The following SMARCA4 variants were observed in gnomAD, a reference collection of about 807,000 sequenced individuals.
SMARCA4 encodes the protein SWI/SNF related BAF chromatin remodeling complex subunit ATPase 4.
A neutral mutation model predicts 193.9 loss-of-function variants in SMARCA4; 31 were observed. That is an observed-to-expected ratio of 0.16 (90% CI 0.12 to 0.22). SMARCA4 has a LOEUF of 0.22. Ranked by LOEUF, SMARCA4 falls within the 10% of genes least tolerant of loss-of-function variation. SMARCA4 has a pLI of 1.00. For missense variants in SMARCA4, 1,148 were observed against 2,296.0 expected (o/e 0.50, Z 10.22); for synonymous variants, 942 against 933.1 (o/e 1.01, Z -0.17).
chr19:11,003,915 T>A (rs56122482), intron 13 of SMARCA4, among the ~76,000 whole-genome samples: 7 of 151,448 alleles, frequency 4.6e-5, no homozygotes, highest in Non-Finnish European at 1.0e-4. Flanking sequence ...TTTCATCATA[T>A]TGGCCAGGCT....
At position 10,991,496 on chromosome 19, in the gene SMARCA4, T is replaced by C. The variant is rs118146570; in HGVS notation, c.1419+173T>C. On this transcript the variant is annotated intron_variant, in intron 8 of 34. Coordinates refer to ENST00000344626, the MANE Select transcript of SMARCA4 (RefSeq NM_003072.5). Reference sequence around the variant, plus strand: ...AGAGTGTATTGGTGTAAAAACCCAATGGTAGGGAGAAGATAGTGATGAAAT... The same window carrying C: ...AGAGTGTATTGGTGTAAAAACCCAACGGTAGGGAGAAGATAGTGATGAAAT... 9.2e-5 allele frequency among the ~76,000 whole-genome samples: 14 copies of C among 152,296 alleles called. No individual in the cohort carries two copies. In the East Asian group the frequency reaches 2.7e-3, roughly 29 times the overall value.
At chr19:10,990,555 G>A (rs1233902778) in intron 7 of SMARCA4, among the ~76,000 whole-genome samples, 1 of 152,210 alleles carries the variant, frequency 6.6e-6, no homozygotes, top group Non-Finnish European at 1.5e-5. Context: ...TGGGATTACA[G>A]GCATGAGCCA....
At chr19:10,990,624 G>C (rs2086474214) in intron 7 of SMARCA4, among the ~76,000 whole-genome samples, 1 of 152,060 alleles carries the variant, frequency 6.6e-6, no homozygotes, top group African/African-American at 2.4e-5. Context: ...TGTCGCCCAG[G>C]CTAGTCTCGA....
chr19:11,002,997 A>G (rs369486958), intron 11 of SMARCA4, 32 bp from the exon 12 acceptor site: 54 of 1,613,508 alleles, frequency 3.3e-5, no homozygotes, highest in Non-Finnish European at 4.5e-5. Flanking sequence ...AGGCCCTGCA[A>G]CCTCAGTGTC....
chr19:11,019,269 C>G lies in SMARCA4; in HGVS notation c.2505+246C>G. 1.6e-6 allele frequency: 1 copy of G among 617,002 alleles called. No homozygotes were observed. The highest frequency in any genetic ancestry group is 2.9e-6 in the Non-Finnish European group (1 of 343,856). 38.2% of individuals were successfully genotyped at this position (617,002 alleles called of 1,614,324 possible). A position where few individuals can be genotyped will look rare whatever the true frequency, so the allele number is the denominator to read the frequency against. On this transcript the variant is annotated intron_variant, in intron 17 of 34. Coordinates refer to ENST00000344626, the MANE Select transcript of SMARCA4 (RefSeq NM_003072.5). This position sits in a 1 kb window ranked among gnomAD's most constrained non-coding sequence, Gnocchi z 6.1. Reference sequence around the variant, plus strand: ...ATGGTGGCCAGCACTCAGAGGCCAGCTCAGGCGCCTGAGATGGGGACCCAG... The same window carrying G: ...ATGGTGGCCAGCACTCAGAGGCCAGGTCAGGCGCCTGAGATGGGGACCCAG...
rs370424312 is a variant in SMARCA4, at chr19:11,039,461, A to G, written c.4171-1846A>G. On this transcript the variant is annotated intron_variant, in intron 29 of 34. Coordinates refer to ENST00000344626, the MANE Select transcript of SMARCA4 (RefSeq NM_003072.5). ...ACATTAAAAAATTTTGTTGTAGAAA[A>G]TTACAGGAAAAGATATCCATGACAC... 1.5e-5 allele frequency: 24 copies of G among 1,594,554 alleles called. No individual in the cohort carries two copies. The East Asian group carries it at 1.8e-4, about 12-fold the overall frequency.
rs897843758 is a variant in SMARCA4, at chr19:10,994,306, G to A, written c.1420-522G>A. On this transcript the variant is annotated intron_variant, in intron 8 of 34. Coordinates refer to ENST00000344626, the MANE Select transcript of SMARCA4 (RefSeq NM_003072.5). Reference sequence around the variant, plus strand: ...ATTTTGTCCTCCTCAGCCTCCCAAAGCGATATTCTAGGTTTTTTTTTTTTT... The same window carrying A: ...ATTTTGTCCTCCTCAGCCTCCCAAAACGATATTCTAGGTTTTTTTTTTTTT... 5.5e-5 allele frequency among the ~76,000 whole-genome samples: 8 copies of A among 146,642 alleles called. No homozygotes were observed. The East Asian group carries it at 1.6e-3, about 29-fold the overall frequency.
intron 1 of SMARCA4, among the ~76,000 whole-genome samples, chr19:10,971,562 A>G (rs2084675157): frequency 6.7e-6 from 1 of 149,366 alleles, no homozygotes; most frequent in African/African-American, 2.5e-5. Context: ...TGGTGCAATC[A>G]TAGCTCATGG....
chr19:11,040,572 C>T (rs562316330), intron 29 of SMARCA4: 1 of 128,070 alleles, frequency 7.8e-6, no homozygotes, highest in African/African-American at 3.0e-5. Flanking sequence ...AGCCTGGTGA[C>T]AGAGTGAGAC....
At chr19:10,963,370 C>CAAAAAAAA (rs755616481) in intron 1 of SMARCA4, among the ~76,000 whole-genome samples, 2 of 53,102 alleles carry the variant, frequency 3.8e-5, no homozygotes, top group Non-Finnish European at 7.6e-5. Flanking sequence ...AAGACTGTCT[C>CAAAAAAAA]AAAAAAAAAA....
rs372329621 is a variant in SMARCA4, at chr19:11,034,985, C to T, written c.4023C>T (p.Asp1341=). The T allele has an allele frequency of 4.4e-6, 7 of 1,607,540 alleles. No homozygotes were observed. The highest frequency in any genetic ancestry group is 4.0e-5 in the African/African-American group (3 of 74,804). ...PKRKPRLMEE[D]ELPSWIIKDD... is the part of the protein sequence containing the mutation. ...GGAAGCCGCGCCTCATGGAGGAGGA[C>T]GAGCTCCCCTCGTGGATCATCAAGG... Residue 1341 remains aspartate (D), a synonymous_variant, in exon 29 of 35, where the codon GAC becomes GAT. Coordinates refer to ENST00000344626, the MANE Select transcript of SMARCA4 (RefSeq NM_003072.5). The surrounding 1 kb of genome is among the most constrained non-coding windows in gnomAD (Gnocchi z 7.0).
chr19:11,050,644 C>T (rs1374375443), intron 30 of SMARCA4, among the ~76,000 whole-genome samples: 1 of 152,232 alleles, frequency 6.6e-6, no homozygotes, highest in Non-Finnish European at 1.5e-5. Context: ...CCTCCTGGCT[C>T]TTCAGAGTTG....
At chr19:11,024,675 C>T (rs2090121953) in intron 21 of SMARCA4, among the ~76,000 whole-genome samples, 1 of 152,142 alleles carries the variant, frequency 6.6e-6, no homozygotes, top group Non-Finnish European at 1.5e-5. Flanking sequence ...GCAGCCTGGG[C>T]CCAGCACTAA....
intron 9 of SMARCA4, chr19:10,995,267 C>A (rs574326907): frequency 6.1e-4 from 373 of 612,462 alleles, no homozygotes; most frequent in Non-Finnish European, 1.0e-3. Context: ...GTGCCCCCTT[C>A]CCTCGTTCTG....
Position 11,035,067 on chromosome 19 carries a change from C to T in SMARCA4, c.4105C>T (p.Arg1369Cys), listed in dbSNP as rs199962502. 6.2e-7 allele frequency: 1 copy of T among 1,612,780 alleles called. No homozygotes were observed. The highest frequency in any genetic ancestry group is 8.5e-7 in the Non-Finnish European group (1 of 1,179,844). Residue 1369 changes from arginine (R) to cysteine (C), a missense_variant, in exon 29 of 35, where the codon CGT (arginine) becomes TGT (cysteine). Physicochemically the swap from Arg to Cys is radical, Grantham distance 180. Coordinates refer to ENST00000344626, the MANE Select transcript of SMARCA4 (RefSeq NM_003072.5). ...GGAGGAGGAGGAGAAGATGTTCGGC[C>T]GTGGCTCCCGCCACCGCAAGGAGGT... The part of the protein sequence containing the change: ...CEEEEEKMFG[R>C]GSRHRKEVDY...
chr19:11,009,367 C>G (rs1346830184), intron 14 of SMARCA4, among the ~76,000 whole-genome samples: 1 of 152,010 alleles, frequency 6.6e-6, no homozygotes, highest in Non-Finnish European at 1.5e-5. Flanking sequence ...TACAAATTGC[C>G]TAAGTTTTAA....
chr19:10,972,413 T>C (rs936620966), intron 1 of SMARCA4, among the ~76,000 whole-genome samples: 18 of 152,030 alleles, frequency 1.2e-4, no homozygotes, highest in African/African-American at 3.6e-4. Context: ...CTTTTTTTTT[T>C]TTTTAATATA....
intron 30 of SMARCA4, among the ~76,000 whole-genome samples, chr19:11,049,483 G>GTTT (rs1252732386): frequency 2.9e-5 from 4 of 140,006 alleles, no homozygotes; most frequent in Non-Finnish European, 1.6e-5. Context: ...CCTGGGTTCT[G>GTTT]TGTTTTTTTT....
chr19:11,053,921 G>A (rs2076400548), intron 30 of SMARCA4, among the ~76,000 whole-genome samples: 1 of 152,296 alleles, frequency 6.6e-6, no homozygotes, highest in Non-Finnish European at 1.5e-5. Context: ...TAAAAAGAGA[G>A]AAAAGAAACA....
Sources: gnomAD v4.1 joint callset for allele counts (sites outside exome capture counted in the v4.1 genomes callset) on GRCh38, gnomAD v4.1.1 for gene constraint, Gnocchi (gnomAD v3.1) non-coding constraint, MANE v1.5 for transcripts, NCBI Gene and HGNC (gene_info 2026-07-23, HGNC 2026-07-21) for gene names.